Variants in KAT6B observed in about 807,000 individuals in gnomAD.
The protein encoded by KAT6B is lysine acetyltransferase 6B, also known as histone acetyltransferase KAT6B.
Under a neutral mutation model 187.5 loss-of-function variants are expected in KAT6B, and 10 were observed. The ratio of observed to expected loss-of-function variants is 0.05; its 90% CI spans 0.03 to 0.09. The LOEUF is 0.09. Ranked by LOEUF, KAT6B falls within the 10% of genes least tolerant of loss-of-function variation. The pLI is 1.00. For synonymous variants in KAT6B, 861 were observed against 926.8 expected (o/e 0.93, Z 1.29); for missense variants, 1,952 against 2,558.9 (o/e 0.76, Z 5.12).
At chr10:74,851,118 T>G (rs527279558) in intron 3 of KAT6B, among the ~76,000 whole-genome samples, 2 of 152,238 alleles carry the variant, frequency 1.3e-5, no homozygotes, top group East Asian at 1.9e-4. Context: ...ATGATTTTTT[T>G]TTTTTTGGAT....
At chr10:74,965,025 T>G in intron 4 of KAT6B, among the ~76,000 whole-genome samples, 1 of 152,226 alleles carries the variant, frequency 6.6e-6, no homozygotes, top group East Asian at 1.9e-4. Context: ...AGTTACCTTT[T>G]TAAGTTATAA....
At chr10:75,017,260 TG>T (rs5786163) in intron 13 of KAT6B, among the ~76,000 whole-genome samples, 152,325 of 152,330 alleles carry the variant, frequency 1, 76,160 homozygotes, top group Middle Eastern at 1. Flanking sequence ...ATCTCTATGA[TG>T]TACTCAATAA....
Position 74,981,934 on chromosome 10 carries a change from C to T in KAT6B, c.2373+6C>T, listed in dbSNP as rs192506542. 40 of 1,613,058 alleles carry T rather than the reference C, an allele frequency of 2.5e-5. No individual in the cohort carries two copies. The highest frequency in any genetic ancestry group is 2.2e-4 in the Admixed American group (13 of 59,994). On this transcript the variant is annotated splice_donor_region_variant and intron_variant, in intron 11 of 17. Transcript: ENST00000287239. ...AAGACCTTTCAGTATTTGAGGTAAG[C>T]GCGTGTAAATAAAAAAATTCAGCTT...
intron 13 of KAT6B, among the ~76,000 whole-genome samples, chr10:75,015,856 C>T (rs1844942214): frequency 6.6e-6 from 1 of 152,182 alleles, no homozygotes; most frequent in Non-Finnish European, 1.5e-5. Flanking sequence ...CCAAAGTTTA[C>T]ACTTTGGTGT....
intron 1 of KAT6B, among the ~76,000 whole-genome samples, chr10:74,830,507 A>G (rs1840671812): frequency 6.6e-6 from 1 of 151,796 alleles, no homozygotes; most frequent in African/African-American, 2.4e-5. Flanking sequence ...ATCTAGGGTT[A>G]GATGATGAAT....
At position 74,925,423 on chromosome 10, in the gene KAT6B, C is replaced by T. The variant is rs73285898; in HGVS notation, c.622-34547C>T. On this transcript the variant is annotated intron_variant, in intron 3 of 17. Transcript: ENST00000287239. ...CCACCCCCACCCCCCTTTTTCCCCC[C>T]ACAAGTGAAGATGATTTCCTGTGCT... Among the ~76,000 whole-genome samples, 552 of 148,706 alleles carry T rather than the reference C, an allele frequency of 3.7e-3. 4 individuals are homozygous for T. The highest frequency in any genetic ancestry group is 0.013 in the African/African-American group (531 of 40,310).
At chr10:74,826,835 G>C (rs913408601) in intron 1 of KAT6B, 50 bp downstream of exon 1, 2 of 151,488 alleles carry the variant, frequency 1.3e-5, no homozygotes, top group South Asian at 2.1e-4. Context: ...TGGGCGGGAG[G>C]GGGGAACAGA....
intron 13 of KAT6B, among the ~76,000 whole-genome samples, chr10:75,014,773 G>A (rs997475381): frequency 7.9e-5 from 12 of 152,146 alleles, no homozygotes; most frequent in African/African-American, 2.9e-4. Flanking sequence ...GAGAAGCAGA[G>A]GTGTAGAACA....
intron 3 of KAT6B, among the ~76,000 whole-genome samples, chr10:74,868,755 G>A (rs545510180): frequency 2.0e-5 from 3 of 152,192 alleles, no homozygotes; most frequent in South Asian, 2.1e-4. Context: ...GCTGGGTGTC[G>A]CCGTTTATAT....
chr10:74,930,995 G>T lies in KAT6B; in HGVS notation c.622-28975G>T, dbSNP rs116200955. Among the ~76,000 whole-genome samples, 1,410 of 152,210 alleles carry T rather than the reference G, an allele frequency of 9.3e-3. 22 individuals carry two copies. The highest frequency in any genetic ancestry group is 0.033 in the African/African-American group (1,350 of 41,508). On this transcript the variant is annotated intron_variant, in intron 3 of 17. Transcript: ENST00000287239. ...TGTTGGATAACAATATTTAATTAAG[G>T]TTCTTGATTATAGTAACAGGCATAA...
intron 3 of KAT6B, among the ~76,000 whole-genome samples, chr10:74,922,714 T>C (rs192809850): frequency 5.1e-4 from 78 of 152,370 alleles, no homozygotes; most frequent in African/African-American, 1.7e-3. Context: ...TGTGTGTGTA[T>C]GTATGTGTGT....
chr10:74,848,813 GATTGTAC>G (rs1356982934), intron 3 of KAT6B, among the ~76,000 whole-genome samples: 1 of 152,122 alleles, frequency 6.6e-6, no homozygotes, highest in African/African-American at 2.4e-5. Context: ...TATGTAGATT[GATTGTAC>G]TATAATTTCC....
chr10:74,868,123 T>C (rs1843677049), intron 3 of KAT6B, among the ~76,000 whole-genome samples: 1 of 152,234 alleles, frequency 6.6e-6, no homozygotes, highest in African/African-American at 2.4e-5. Flanking sequence ...TTTTTACAAA[T>C]ATCTAGAAAC....
At chr10:74,838,953 G>A (rs1246515553) in intron 2 of KAT6B, among the ~76,000 whole-genome samples, 1 of 152,108 alleles carries the variant, frequency 6.6e-6, no homozygotes, top group Non-Finnish European at 1.5e-5. Flanking sequence ...AGGAGTTTGA[G>A]TCCAGCCTGG....
Position 74,871,185 on chromosome 10 carries a change from CTTTTTTTTTTTT to C in KAT6B, c.621+27721_621+27732del, listed in dbSNP as rs746074814. Among the ~76,000 whole-genome samples the C allele has an allele frequency of 1.3e-4, 10 of 76,742 alleles. No homozygotes were observed. In the East Asian group the frequency reaches 2.5e-3, roughly 19 times the overall value. The allele number at this position is 76,742 out of a possible 152,430, so 50.3% of individuals were successfully genotyped here. A position where few individuals can be genotyped will look rare whatever the true frequency, so the allele number is the denominator to read the frequency against. On this transcript the variant is annotated intron_variant, in intron 3 of 17. Transcript: ENST00000287239. ...ACAGGTGTGAGCCACCAAGCCTGGC[CTTTTTTTTTTTT>C]TTTTTTTTTTTTTGATATGGAGTCT...
At chr10:74,850,581 C>G (rs920429190) in intron 3 of KAT6B, among the ~76,000 whole-genome samples, 2 of 152,102 alleles carry the variant, frequency 1.3e-5, no homozygotes, top group African/African-American at 4.8e-5. Context: ...AAGCTCTCTT[C>G]GGTGAGGTGA....
At chr10:74,912,561 T>C (rs921852514) in intron 3 of KAT6B, among the ~76,000 whole-genome samples, 4 of 152,194 alleles carry the variant, frequency 2.6e-5, no homozygotes, top group Admixed American at 6.5e-5. Context: ...TCTGTCTGTA[T>C]TGTAGAAAGC....
At chr10:74,987,523 A>G (rs546267181) in intron 12 of KAT6B, among the ~76,000 whole-genome samples, 1 of 152,330 alleles carries the variant, frequency 6.6e-6, no homozygotes, top group African/African-American at 2.4e-5. Context: ...CTTGAACCAC[A>G]TTCTAGAGGT....
chr10:74,981,140 G>A (rs1353700949), intron 10 of KAT6B, among the ~76,000 whole-genome samples: 1 of 152,066 alleles, frequency 6.6e-6, no homozygotes, highest in African/African-American at 2.4e-5. Flanking sequence ...ATTTTTTAGG[G>A]TGGTGGTTCC....
Sources: gnomAD v4.1 joint callset for allele counts (sites outside exome capture counted in the v4.1 genomes callset) on GRCh38, gnomAD v4.1.1 for gene constraint, MANE v1.5 for transcripts, NCBI Gene and HGNC (gene_info 2026-07-23, HGNC 2026-07-21) for gene names.